The following ATRNL1 variants were observed in gnomAD, a reference collection of about 807,000 sequenced individuals.
The protein encoded by ATRNL1 is attractin-like protein 1.
ATRNL1 carries 95 observed loss-of-function variants against 182.7 expected under a neutral mutation model. The ratio of observed to expected loss-of-function variants is 0.52; its 90% CI spans 0.44 to 0.62. The LOEUF (loss-of-function observed/expected upper bound fraction) is 0.62, where lower values mean the gene tolerates loss of function less well. ATRNL1 is among the 20% of genes least tolerant of loss of function. The pLI is 0.00. For missense variants in ATRNL1, 1,471 were observed against 1,679.5 expected, an observed-to-expected ratio of 0.88 and a Z score of 2.17; for synonymous variants, 576 against 568.3, an observed-to-expected ratio of 1.01 and a Z score of -0.19.
chr10:115,512,470 T>C (rs1554982873), intron 24 of ATRNL1, among the ~76,000 whole-genome samples: 1 of 151,762 alleles, frequency 6.6e-6, no homozygotes, highest in Non-Finnish European at 1.5e-5. Flanking sequence ...ATCTTGCTAT[T>C]GAATCTATTT....
intron 24 of ATRNL1, among the ~76,000 whole-genome samples, chr10:115,495,861 G>A (rs1554978060): frequency 6.6e-6 from 1 of 152,022 alleles, no homozygotes; most frequent in East Asian, 1.9e-4. Context: ...TCGAGTTCAG[G>A]TTCGGAATAT....
At chr10:115,240,692 C>A (rs1032537483) in intron 9 of ATRNL1, among the ~76,000 whole-genome samples, 2 of 151,934 alleles carry the variant, frequency 1.3e-5, no homozygotes, top group Admixed American at 6.6e-5. Context: ...TTGTTTGTAT[C>A]AGGGCTTTAG....
At chr10:115,395,116 T>G (rs2134281698) in intron 20 of ATRNL1, among the ~76,000 whole-genome samples, 1 of 151,552 alleles carries the variant, frequency 6.6e-6, no homozygotes, top group Admixed American at 6.6e-5. Flanking sequence ...CAAAAACATG[T>G]GGCATTTGGA....
At chr10:115,749,938 G>A (rs1948400011) in intron 27 of ATRNL1, among the ~76,000 whole-genome samples, 2 of 151,216 alleles carry the variant, frequency 1.3e-5, no homozygotes, top group African/African-American at 2.4e-5. Context: ...AGCACTCAGA[G>A]TTCTTGTTGG....
At chr10:115,151,440 T>A (rs1212299730) in intron 5 of ATRNL1, among the ~76,000 whole-genome samples, 1 of 152,218 alleles carries the variant, frequency 6.6e-6, no homozygotes, top group Middle Eastern at 3.2e-3. Context: ...GGTATCTCAT[T>A]GTGGTTTTGA....
At chr10:115,493,286 G>A (rs1367106218) in intron 24 of ATRNL1, among the ~76,000 whole-genome samples, 3 of 152,066 alleles carry the variant, frequency 2.0e-5, no homozygotes, top group Non-Finnish European at 2.9e-5. Flanking sequence ...CCTCAGATAG[G>A]CCCTTGTGTA....
intron 18 of ATRNL1, 37 bp from the exon 19 acceptor site, chr10:115,334,245 G>C: frequency 7.4e-7 from 1 of 1,348,018 alleles, no homozygotes; most frequent in East Asian, 2.4e-5. Flanking sequence ...TTGATATTAT[G>C]TTAGATATTT....
rs577141207 is a variant in ATRNL1, at chr10:115,165,502, TAAAA to T, written c.1005-52_1005-49del. The T allele has an allele frequency of 1.0e-3, 1,146 of 1,093,532 alleles. 3 individuals carry two copies. The highest frequency in any genetic ancestry group is 1.4e-3 in the Non-Finnish European group (1,095 of 776,672). 67.7% of individuals were successfully genotyped at this position (1,093,532 alleles called of 1,614,324 possible). On this transcript the variant is annotated intron_variant, in intron 6 of 28. Transcript: ENST00000355044. ...AAGTGAATAAAAAGCACGTGAAAATTAAAAAAACAAAAATGAATCTTAGCTTATG... is the reference window on the plus strand; with the variant it reads ...AAGTGAATAAAAAGCACGTGAAAATTAAACAAAAATGAATCTTAGCTTATG...
rs782440894 is a variant in ATRNL1, at chr10:115,727,229, C to T, written c.3796-19C>T. 12 of 1,571,204 alleles carry T rather than the reference C, an allele frequency of 7.6e-6. No individual in the cohort carries two copies. In the South Asian group the frequency reaches 1.3e-4, roughly 17 times the overall value. On this transcript the variant is annotated intron_variant, in intron 26 of 28. Transcript: ENST00000355044. ...CTTTTAAACCTATTTTAAGATAAAT[C>T]ATTTTTAACCCCCTCCAGCAACTGC... is the stretch of plus-strand genomic sequence containing the variant.
chr10:115,338,904 G>C (rs1855614707), intron 19 of ATRNL1, among the ~76,000 whole-genome samples: 1 of 152,046 alleles, frequency 6.6e-6, no homozygotes, highest in Admixed American at 6.6e-5. Context: ...TTTATATATG[G>C]CAAGAGATAG....
chr10:115,222,004 A>G (rs758115118), intron 9 of ATRNL1, among the ~76,000 whole-genome samples: 4 of 152,208 alleles, frequency 2.6e-5, no homozygotes, highest in Admixed American at 6.5e-5. Flanking sequence ...AACATCCGTT[A>G]GAAACATACA....
intron 5 of ATRNL1, among the ~76,000 whole-genome samples, chr10:115,155,212 C>T (rs1307680344): frequency 1.3e-5 from 2 of 151,672 alleles, no homozygotes; most frequent in Non-Finnish European, 2.9e-5. Flanking sequence ...GAGTTTCCTG[C>T]AGTTGGATCA....
At chr10:115,374,154 A>G (rs1168898986) in intron 19 of ATRNL1, among the ~76,000 whole-genome samples, 1 of 151,820 alleles carries the variant, frequency 6.6e-6, no homozygotes, top group Non-Finnish European at 1.5e-5. Flanking sequence ...TTGTTGATAT[A>G]AAATTGTGCA....
chr10:115,374,303 T>C (rs962713693), intron 19 of ATRNL1, among the ~76,000 whole-genome samples: 1 of 151,772 alleles, frequency 6.6e-6, no homozygotes, highest in African/African-American at 2.4e-5. Context: ...ACTCTTAGTT[T>C]CATTGATCTT....
At chr10:115,547,267 T>A (rs1394751022) in intron 25 of ATRNL1, among the ~76,000 whole-genome samples, 84 of 137,372 alleles carry the variant, frequency 6.1e-4, no homozygotes, top group African/African-American at 1.1e-3. Context: ...AAAAAAAATA[T>A]ATATATATAT....
At chr10:115,892,177 A>G (rs1171428837) in intron 28 of ATRNL1, among the ~76,000 whole-genome samples, 5 of 152,194 alleles carry the variant, frequency 3.3e-5, no homozygotes. Flanking sequence ...TATTTCTGAA[A>G]TTCATGACAT....
chr10:115,255,493 C>T (rs1851083341), intron 10 of ATRNL1, among the ~76,000 whole-genome samples: 1 of 152,136 alleles, frequency 6.6e-6, no homozygotes, highest in African/African-American at 2.4e-5. Flanking sequence ...ATTTTGTATC[C>T]TGAGACTTTG....
At chr10:115,124,231 C>G (rs539275773) in intron 3 of ATRNL1, among the ~76,000 whole-genome samples, 11 of 152,210 alleles carry the variant, frequency 7.2e-5, no homozygotes, top group African/African-American at 2.4e-4. Flanking sequence ...CCCACCTACT[C>G]TGACCATCTG....
chr10:115,494,574 T>G (rs1479521981), intron 24 of ATRNL1, among the ~76,000 whole-genome samples: 1 of 152,200 alleles, frequency 6.6e-6, no homozygotes, highest in African/African-American at 2.4e-5. Context: ...AATTGAAAGC[T>G]TTTTCTTCAT....
Sources: allele counts gnomAD v4.1 joint callset (sites outside exome capture counted in the v4.1 genomes callset), GRCh38; gene constraint gnomAD v4.1.1; transcripts MANE v1.5; gene names NCBI Gene and HGNC (gene_info 2026-07-23, HGNC 2026-07-21).